Variants in KCNK9 observed in about 807,000 individuals in gnomAD.
KCNK9 encodes the protein potassium channel subfamily K member 9.
A neutral mutation model predicts 10.8 loss-of-function variants in KCNK9; 1 was observed. The observed-to-expected ratio is 0.09, with a 90% CI of 0.03 to 0.44. The LOEUF (loss-of-function observed/expected upper bound fraction) is 0.44, where lower values mean the gene tolerates loss of function less well. Ranked by LOEUF, KCNK9 falls within the 20% of genes least tolerant of loss-of-function variation. The pLI, the probability that KCNK9 is intolerant of heterozygous loss-of-function variation, is 0.97. For missense variants in KCNK9, 303 were observed against 515.0 expected, an observed-to-expected ratio of 0.59 and a Z score of 3.98; for synonymous variants, 231 against 222.7, an observed-to-expected ratio of 1.04 and a Z score of -0.33.
intron 1 of KCNK9, among the ~76,000 whole-genome samples, chr8:139,661,514 G>A (rs914059919): frequency 6.6e-6 from 1 of 152,218 alleles, no homozygotes; most frequent in African/African-American, 2.4e-5. Flanking sequence ...TGGGAAGCAA[G>A]CAGAGCCCAC....
At chr8:139,694,476 G>A (rs1248854631) in intron 1 of KCNK9, among the ~76,000 whole-genome samples, 5 of 152,208 alleles carry the variant, frequency 3.3e-5, no homozygotes, top group Non-Finnish European at 7.3e-5. Context: ...GACGTGAGCC[G>A]CCCTGCAGGG....
intron 1 of KCNK9, among the ~76,000 whole-genome samples, chr8:139,700,491 C>T (rs183946899): frequency 0.014 from 1,881 of 138,364 alleles, 47 homozygotes; most frequent in African/African-American, 0.053. Flanking sequence ...CACATACACA[C>T]ACACACACAC....
At chr8:139,697,490 G>C (rs1425567057) in intron 1 of KCNK9, among the ~76,000 whole-genome samples, 1 of 152,024 alleles carries the variant, frequency 6.6e-6, no homozygotes, top group African/African-American at 2.4e-5. Flanking sequence ...TGGGTGGGTG[G>C]GTGGATGGAT....
intron 1 of KCNK9, among the ~76,000 whole-genome samples, chr8:139,647,406 T>C (rs1345854559): frequency 6.6e-6 from 1 of 152,114 alleles, no homozygotes; most frequent in African/African-American, 2.4e-5. Context: ...CAAAACTAGG[T>C]CTTTGCCTTT....
intron 2 of KCNK9, among the ~76,000 whole-genome samples, chr8:139,606,291 G>A (rs1253333810): frequency 6.6e-6 from 1 of 152,136 alleles, no homozygotes; most frequent in East Asian, 1.9e-4. Context: ...TGCTGTGGCA[G>A]GCCTCCGGTA....
chr8:139,653,755 G>A (rs1275048913), intron 1 of KCNK9, among the ~76,000 whole-genome samples: 1 of 152,314 alleles, frequency 6.6e-6, no homozygotes, highest in Admixed American at 6.5e-5. Context: ...AACACGAGGC[G>A]GCATTATCAG....
chr8:139,645,424 G>C (rs967522005), intron 1 of KCNK9, among the ~76,000 whole-genome samples: 5 of 152,146 alleles, frequency 3.3e-5, no homozygotes, highest in Non-Finnish European at 7.4e-5. Context: ...TCAGGGTCCA[G>C]GTAGGGAGGA....
At chr8:139,694,208 T>G (rs1362434263) in intron 1 of KCNK9, among the ~76,000 whole-genome samples, 1 of 151,924 alleles carries the variant, frequency 6.6e-6, no homozygotes, top group Non-Finnish European at 1.5e-5. Context: ...GAAAGTGAAT[T>G]TGCCAAGAGT....
Position 139,663,648 on chromosome 8 carries a change from C to CGTGTGTGTGTGTGTGTGTGT in KCNK9, c.283+39042_283+39061dup, listed in dbSNP as rs34660685. Among the ~76,000 whole-genome samples, 998 of 137,510 alleles carry CGTGTGTGTGTGTGTGTGTGT rather than the reference C, an allele frequency of 7.3e-3. 7 individuals carry two copies. Among genetic ancestry groups the CGTGTGTGTGTGTGTGTGTGT allele is most frequent in the South Asian group, 0.016 (60 of 3,736 alleles). The allele number at this position is 137,510 out of a possible 152,430, so 90.2% of individuals were successfully genotyped here. A position where few individuals can be genotyped will look rare whatever the true frequency, so the allele number is the denominator to read the frequency against. On this transcript the variant is annotated intron_variant, in intron 1 of 1. Transcript: ENST00000520439. Reference sequence around the variant, plus strand: ...CCCCAGGAACAGACGCGCGTGCGCACGTGTGTGTGTGTGTGTGTGTGTGTG... The same window carrying CGTGTGTGTGTGTGTGTGTGT: ...CCCCAGGAACAGACGCGCGTGCGCACGTGTGTGTGTGTGTGTGTGTGTGTGTGTGTGTGTGTGTGTGTGTG...
intron 1 of KCNK9, among the ~76,000 whole-genome samples, chr8:139,680,786 T>C (rs1288844193): frequency 6.6e-6 from 1 of 152,098 alleles, no homozygotes; most frequent in East Asian, 1.9e-4. Context: ...CACACTAGGA[T>C]GGAACCCAGG....
intron 1 of KCNK9, among the ~76,000 whole-genome samples, chr8:139,681,684 G>A (rs1236194152): frequency 6.6e-6 from 1 of 152,238 alleles, no homozygotes; most frequent in Non-Finnish European, 1.5e-5. Flanking sequence ...TAAGGAACAA[G>A]AGTCTCTGAG....
intron 1 of KCNK9, among the ~76,000 whole-genome samples, chr8:139,627,048 G>T (rs557563582): frequency 6.6e-6 from 1 of 152,336 alleles, no homozygotes; most frequent in East Asian, 1.9e-4. Context: ...CGCGCGTAGG[G>T]TGGGCAGGAA....
At chr8:139,634,597 G>T (rs956224418) in intron 1 of KCNK9, among the ~76,000 whole-genome samples, 2 of 152,162 alleles carry the variant, frequency 1.3e-5, no homozygotes, top group Non-Finnish European at 2.9e-5. Context: ...TGCTGGGATG[G>T]ACTGTCCTGC....
downstream of KCNK9, chr8:139,611,412 T>G (rs988008621): frequency 3.9e-5 from 6 of 152,254 alleles, no homozygotes; most frequent in South Asian, 2.1e-4. Context: ...CACGCCGCTC[T>G]CTGGAGGCGA....
intron 1 of KCNK9, among the ~76,000 whole-genome samples, chr8:139,628,073 G>A (rs2130127588): frequency 6.6e-6 from 1 of 152,382 alleles, no homozygotes; most frequent in Admixed American, 6.5e-5. Context: ...CAGACCATCT[G>A]TCTCAAACGG....
At chr8:139,625,611 G>C (rs1814946078) in intron 1 of KCNK9, among the ~76,000 whole-genome samples, 1 of 152,136 alleles carries the variant, frequency 6.6e-6, no homozygotes, top group South Asian at 2.1e-4. Context: ...GCATCACCCA[G>C]CCTGATTTTC....
chr8:139,691,958 A>G (rs1170543523), intron 1 of KCNK9, among the ~76,000 whole-genome samples: 1 of 152,232 alleles, frequency 6.6e-6, no homozygotes, highest in Non-Finnish European at 1.5e-5. Flanking sequence ...TGGGCGGGTC[A>G]TCCAGGAAGG....
intron 1 of KCNK9, among the ~76,000 whole-genome samples, chr8:139,682,413 G>T (rs1347426597): frequency 6.6e-6 from 1 of 152,154 alleles, no homozygotes; most frequent in Non-Finnish European, 1.5e-5. Flanking sequence ...CACGACACAG[G>T]GTGGCAGGTG....
At chr8:139,677,068 G>C (rs1356394311) in intron 1 of KCNK9, among the ~76,000 whole-genome samples, 2 of 152,204 alleles carry the variant, frequency 1.3e-5, no homozygotes. Flanking sequence ...GGGCTGGCCA[G>C]TAGGCTGCAG....
Sources: allele counts gnomAD v4.1 joint callset (sites outside exome capture counted in the v4.1 genomes callset), GRCh38; gene constraint gnomAD v4.1.1; transcripts MANE v1.5; gene names NCBI Gene and HGNC (gene_info 2026-07-23, HGNC 2026-07-21).